The following ATP11B variants were observed in gnomAD, a reference collection of about 807,000 sequenced individuals.
ATP11B encodes ATPase phospholipid transporting 11B (putative), also known as phospholipid-transporting ATPase IF.
A neutral mutation model predicts 157.8 loss-of-function variants in ATP11B; 81 were observed. That is an observed-to-expected ratio of 0.51 (90% CI 0.43 to 0.62). The LOEUF (loss-of-function observed/expected upper bound fraction) is 0.62, where lower values mean the gene tolerates loss of function less well. Among genes scored for constraint, ATP11B ranks in the 20% least tolerant of loss-of-function variants. ATP11B has a pLI of 0.00. For synonymous variants in ATP11B, 451 were observed against 469.4 expected, an observed-to-expected ratio of 0.96 and a Z score of 0.51; for missense variants, 1,165 against 1,402.2, an observed-to-expected ratio of 0.83 and a Z score of 2.70.
At chr3:182,879,422 G>A (rs1396414032) in intron 19 of ATP11B, 74 bp from the exon 20 acceptor site, 9 of 1,280,216 alleles carry the variant, frequency 7.0e-6, no homozygotes, top group Non-Finnish European at 9.5e-6. Flanking sequence ...CAGTAAGAAT[G>A]TGTTGTTCTA....
intron 15 of ATP11B, among the ~76,000 whole-genome samples, chr3:182,868,860 G>A (rs368509114): frequency 1.3e-5 from 2 of 152,122 alleles, no homozygotes; most frequent in African/African-American, 4.8e-5. Context: ...GACATAAGGT[G>A]TGTAAAATAC....
intron 27 of ATP11B, among the ~76,000 whole-genome samples, 200 bp from the exon 28 acceptor site, chr3:182,898,407 T>A (rs1723711471): frequency 6.6e-6 from 1 of 152,206 alleles, no homozygotes; most frequent in Non-Finnish European, 1.5e-5. Flanking sequence ...GCCATTTTCC[T>A]AATAAAAACT....
chr3:182,833,142 A>G (rs1300886817), intron 4 of ATP11B, among the ~76,000 whole-genome samples: 1 of 152,206 alleles, frequency 6.6e-6, no homozygotes, highest in Non-Finnish European at 1.5e-5. Context: ...ACAAAATAAT[A>G]GAAGTAAATA....
chr3:182,876,046 C>T lies in ATP11B; in HGVS notation c.2252+2031C>T, dbSNP rs371868590. ...TCGCTTGAGCCCAGGAGTTTGAGATCAGCCTGGTCAATGTAATGAGACCCT... is the reference window on the plus strand; with the variant it reads ...TCGCTTGAGCCCAGGAGTTTGAGATTAGCCTGGTCAATGTAATGAGACCCT... On this transcript the variant is annotated intron_variant, in intron 19 of 29. Transcript: ENST00000323116. Among the ~76,000 whole-genome samples, 87 of 152,054 alleles carry T rather than the reference C, an allele frequency of 5.7e-4. 4 individuals carry two copies. The East Asian group carries it at 0.013, about 23-fold the overall frequency.
chr3:182,885,029 ATCTAT>A (rs1722706097), intron 22 of ATP11B, 131 bp downstream of exon 22: 9 of 602,376 alleles, frequency 1.5e-5, no homozygotes, highest in Non-Finnish European at 2.3e-5. Flanking sequence ...TTTGTCATAA[ATCTAT>A]TCTATACTGA....
At chr3:182,866,834 A>G (rs1721270607) in intron 14 of ATP11B, among the ~76,000 whole-genome samples, 1 of 127,332 alleles carries the variant, frequency 7.9e-6, no homozygotes, top group African/African-American at 2.5e-5. Flanking sequence ...TTTTATAAAA[A>G]TATGTAAGTA....
rs1432419307 is a variant in ATP11B at position 182,865,578 on chromosome 3, A to C, written c.1323A>C (p.Pro441=). Residue 441 remains proline (P), a synonymous_variant, in exon 13 of 30, where the codon CCA becomes CCC. Transcript: ENST00000323116. ...EINGRLVPEG[P]TPDSSEGNLS... ...ATGGTAGACTTGTACCCGAAGGACC[A>C]ACACCAGACTCTTCAGAAGGAAACT... 4 of 1,613,902 alleles carry C rather than the reference A, an allele frequency of 2.5e-6. No homozygotes were observed. The East Asian group carries it at 8.9e-5, about 36-fold the overall frequency.
chr3:182,880,415 C>G (rs1231007954), intron 20 of ATP11B, among the ~76,000 whole-genome samples: 1 of 152,018 alleles, frequency 6.6e-6, no homozygotes, highest in African/African-American at 2.4e-5. Context: ...AAAGTACATT[C>G]AAGAATTCCA....
At chr3:182,899,170 T>TG (rs1445160323) in intron 28 of ATP11B, among the ~76,000 whole-genome samples, 1 of 128,100 alleles carries the variant, frequency 7.8e-6, no homozygotes, top group Admixed American at 8.1e-5. Context: ...TTTTTTTTTT[T>TG]TCCGAGACGG....
In ATP11B at chr3:182,865,711, TAAATTA is replaced by T; in HGVS notation, c.1443+15_1443+20del. The T allele has an allele frequency of 1.3e-6, 2 of 1,580,148 alleles. No individual in the cohort carries two copies. The highest frequency in any genetic ancestry group is 1.7e-6 in the Non-Finnish European group (2 of 1,163,204). On this transcript the variant is annotated intron_variant, in intron 13 of 29. Coordinates refer to ENST00000323116, the MANE Select transcript of ATP11B (RefSeq NM_014616.3). Reference sequence around the variant, plus strand: ...TGAAACTGAACTAGTAAGTAATTTTTAAATTAATAAATAAGGGTTTCATATGAAATA... The same window carrying T: ...TGAAACTGAACTAGTAAGTAATTTTTATAAATAAGGGTTTCATATGAAATA...
intron 19 of ATP11B, among the ~76,000 whole-genome samples, chr3:182,874,438 A>G (rs1367697482): frequency 2.0e-5 from 3 of 152,132 alleles, no homozygotes; most frequent in Non-Finnish European, 4.4e-5. Context: ...GCGACATTTT[A>G]CTGTTTTTTA....
chr3:182,836,749 A>C, intron 6 of ATP11B: 1 of 489,254 alleles, frequency 2.0e-6, no homozygotes, highest in Non-Finnish European at 3.6e-6. Context: ...ATAAGGGACA[A>C]ATTTATATTT....
At chr3:182,876,309 A>G (rs1364836452) in intron 19 of ATP11B, among the ~76,000 whole-genome samples, 2 of 152,240 alleles carry the variant, frequency 1.3e-5, no homozygotes, top group East Asian at 3.8e-4. Flanking sequence ...GTTAATAACA[A>G]AGTCATCAGA....
rs1725317576 is a variant in ATP11B at position 182,919,241 on chromosome 3, AG to A, written c.*1138del. The A allele has an allele frequency of 6.6e-6, 1 of 152,624 alleles. No homozygotes were observed. The highest frequency in any genetic ancestry group is 2.4e-5 in the African/African-American group (1 of 41,460). The allele number at this position is 152,624 out of a possible 1,614,324, so 9.5% of individuals were successfully genotyped here. A position where few individuals can be genotyped will look rare whatever the true frequency, so the allele number is the denominator to read the frequency against. On this transcript the variant is annotated 3_prime_UTR_variant, in exon 30 of 30. Coordinates refer to ENST00000323116, the MANE Select transcript of ATP11B (RefSeq NM_014616.3). The stretch of plus-strand genomic sequence containing the variant: ...TTTCAGGTTATGTCATCTAACTTAT[AG>A]CAAACTACCACAATACAGTGAGTTC...
intron 28 of ATP11B, 125 bp downstream of exon 28, chr3:182,898,897 G>A: frequency 1.6e-6 from 1 of 606,350 alleles, no homozygotes. Context: ...CAACTATTTT[G>A]TAACATAAAC....
At chr3:182,916,519 CTATA>C (rs1039795894) in intron 29 of ATP11B, 1 of 985,084 alleles carries the variant, frequency 1.0e-6, no homozygotes, top group African/African-American at 1.7e-5. Flanking sequence ...CATCATGGTG[CTATA>C]TAAAGAATAT....
rs755776912 is a variant in ATP11B, at chr3:182,889,561, G to A, written c.2982+13G>A. 42 of 1,522,482 alleles carry A rather than the reference G, an allele frequency of 2.8e-5. No individual in the cohort carries two copies. The highest frequency in any genetic ancestry group is 2.6e-4 in the African/African-American group (18 of 68,530). The allele number at this position is 1,522,482 out of a possible 1,614,324, so 94.3% of individuals were successfully genotyped here. A position where few individuals can be genotyped will look rare whatever the true frequency, so the allele number is the denominator to read the frequency against. On this transcript the variant is annotated intron_variant, in intron 25 of 29. Transcript: ENST00000323116. ...TGGAAATGGCCAGGTAAAGTATATA[G>A]TTTTTTTAAAGAATGCTTGTTAATA...
chr3:182,918,284 C>A lies in ATP11B; in HGVS notation c.*180C>A. 1 of 720,356 alleles carries A rather than the reference C, an allele frequency of 1.4e-6. No homozygotes were observed. The highest frequency in any genetic ancestry group is 3.7e-5 in the Admixed American group (1 of 27,018). 44.6% of individuals were successfully genotyped at this position (720,356 alleles called of 1,614,324 possible). ...GCATTAGTACAAGCCCCTCCCAACA[C>A]CCTTAATTTGAATCTGAACATGTTA... On this transcript the variant is annotated 3_prime_UTR_variant, in exon 30 of 30. Transcript: ENST00000323116.
intron 7 of ATP11B, among the ~76,000 whole-genome samples, chr3:182,839,805 G>T (rs916025759): frequency 1.3e-5 from 2 of 151,936 alleles, no homozygotes; most frequent in Admixed American, 1.3e-4. Flanking sequence ...TAGAGATGGG[G>T]TTTCACCATG....
Sources: gnomAD v4.1 joint callset for allele counts (sites outside exome capture counted in the v4.1 genomes callset) on GRCh38, gnomAD v4.1.1 for gene constraint, MANE v1.5 for transcripts, NCBI Gene and HGNC (gene_info 2026-07-23, HGNC 2026-07-21) for gene names.